NTNG1: variants seen among roughly 807,000 people sequenced by gnomAD.
NTNG1 encodes the protein netrin-G1.
NTNG1 carries 16 observed loss-of-function variants against 54.0 expected under a neutral mutation model. The ratio of observed to expected loss-of-function variants is 0.30; its 90% CI spans 0.20 to 0.45. NTNG1 has a LOEUF of 0.45. Ranked by LOEUF, NTNG1 falls within the 20% of genes least tolerant of loss-of-function variation. The pLI, the probability that NTNG1 is intolerant of heterozygous loss-of-function variation, is 1.00. For synonymous variants in NTNG1, 255 were observed against 263.1 expected (o/e 0.97, Z 0.30); for missense variants, 530 against 678.7 (o/e 0.78, Z 2.43).
At chr1:107,310,451 A>G (rs921090615) in intron 2 of NTNG1, among the ~76,000 whole-genome samples, 1 of 152,176 alleles carries the variant, frequency 6.6e-6, no homozygotes, top group South Asian at 2.1e-4. Flanking sequence ...TATATTATAT[A>G]ATTTAATTTA....
At chr1:107,480,028 T>C (rs1370897280) in intron 7 of NTNG1, among the ~76,000 whole-genome samples, 1 of 151,986 alleles carries the variant, frequency 6.6e-6, no homozygotes. Context: ...CTTTCTCTCT[T>C]CCCATCTGGC....
At chr1:107,385,614 A>G (rs534839735) in intron 3 of NTNG1, among the ~76,000 whole-genome samples, 22 of 152,012 alleles carry the variant, frequency 1.4e-4, no homozygotes, top group African/African-American at 5.3e-4. Flanking sequence ...AAAAGATTAT[A>G]TATCAGTTAC....
At chr1:107,169,812 T>TA (rs1182478408) in intron 2 of NTNG1, among the ~76,000 whole-genome samples, 5 of 152,176 alleles carry the variant, frequency 3.3e-5, no homozygotes, top group Non-Finnish European at 5.9e-5. Flanking sequence ...GTAGGAGATG[T>TA]ACATTAAGAG....
rs1654269353 is a variant in NTNG1 at position 107,148,127 on chromosome 1, C to A, written c.-467C>A. The A allele has an allele frequency of 1.9e-5, 3 of 156,936 alleles. No homozygotes were observed. The highest frequency in any genetic ancestry group is 4.2e-5 in the Non-Finnish European group (3 of 71,040). 9.7% of individuals were successfully genotyped at this position (156,936 alleles called of 1,614,324 possible). ...GGAAACAGACACCGGGCTATAGACA[C>A]TCATCCTTTTGCTTCAGATACTGAT... On this transcript the variant is annotated 5_prime_UTR_variant, in exon 2 of 8. Transcript: ENST00000370068.
At chr1:107,179,894 A>C (rs2101127200) in intron 2 of NTNG1, among the ~76,000 whole-genome samples, 1 of 152,246 alleles carries the variant, frequency 6.6e-6, no homozygotes, top group Non-Finnish European at 1.5e-5. Context: ...GTGAGGGAGT[A>C]AGTCCAGTTT....
chr1:107,402,723 T>C lies in NTNG1; in HGVS notation c.1061-4959T>C, dbSNP rs370321647. On this transcript the variant is annotated intron_variant, in intron 4 of 7. Coordinates refer to ENST00000370068, the MANE Select transcript of NTNG1 (RefSeq NM_001113226.3). ...GCCAGGACTGGAAGAACATTGGAAG[T>C]AATTCCTCTGCAATACAAATGAATC... 7.7e-4 allele frequency among the ~76,000 whole-genome samples: 117 copies of C among 152,286 alleles called. 3 individuals are homozygous for C. In the South Asian group the frequency reaches 0.024, roughly 31 times the overall value.
intron 2 of NTNG1, among the ~76,000 whole-genome samples, chr1:107,239,876 A>G (rs1000701216): frequency 6.6e-6 from 1 of 152,256 alleles, no homozygotes; most frequent in Non-Finnish European, 1.5e-5. Flanking sequence ...TAGGATCTCT[A>G]TAACTGTTCT....
At chr1:107,299,905 G>T (rs1356485832) in intron 2 of NTNG1, among the ~76,000 whole-genome samples, 1 of 152,138 alleles carries the variant, frequency 6.6e-6, no homozygotes, top group Non-Finnish European at 1.5e-5. Context: ...GCCACCATTG[G>T]AAGCAAAATT....
intron 2 of NTNG1, among the ~76,000 whole-genome samples, chr1:107,285,430 A>G (rs4639791): frequency 0.57 from 86,955 of 151,880 alleles, 25,524 homozygotes; most frequent in African/African-American, 0.71. Flanking sequence ...TTTTATTTAC[A>G]TTAACTTTTT....
At chr1:107,394,018 C>CACACACACACACATAA (rs1422752607) in intron 3 of NTNG1, among the ~76,000 whole-genome samples, 2 of 151,338 alleles carry the variant, frequency 1.3e-5, no homozygotes, top group Admixed American at 1.3e-4. Context: ...GTTTCTCTCT[C>CACACACACACACATAA]ACACACACAC....
At chr1:107,244,311 G>A (rs763743683) in intron 2 of NTNG1, among the ~76,000 whole-genome samples, 4 of 152,274 alleles carry the variant, frequency 2.6e-5, no homozygotes, top group South Asian at 2.1e-4. Flanking sequence ...TATGCTGCCT[G>A]TAACTTCTAA....
chr1:107,294,576 C>A (rs1291107906), intron 2 of NTNG1, among the ~76,000 whole-genome samples: 4 of 152,098 alleles, frequency 2.6e-5, no homozygotes, highest in Non-Finnish European at 5.9e-5. Flanking sequence ...GTAATAGCAC[C>A]TTCACTAGAC....
intron 3 of NTNG1, among the ~76,000 whole-genome samples, chr1:107,384,333 G>A (rs1175713961): frequency 6.6e-6 from 1 of 152,124 alleles, no homozygotes; most frequent in African/African-American, 2.4e-5. Flanking sequence ...TGGAATTTTA[G>A]ATAATTTTTT....
intron 2 of NTNG1, among the ~76,000 whole-genome samples, chr1:107,228,767 G>A (rs1233287445): frequency 6.6e-6 from 1 of 152,126 alleles, no homozygotes; most frequent in East Asian, 1.9e-4. Flanking sequence ...TGATGAGGCT[G>A]TAAGAAAGAC....
chr1:107,461,781 C>T (rs1231953120), intron 7 of NTNG1, among the ~76,000 whole-genome samples: 1 of 152,218 alleles, frequency 6.6e-6, no homozygotes, highest in East Asian at 1.9e-4. Flanking sequence ...AACTGCCCAC[C>T]TCAGCCTCCC....
chr1:107,445,285 T>C (rs928855074), intron 7 of NTNG1, among the ~76,000 whole-genome samples: 15 of 152,132 alleles, frequency 9.9e-5, no homozygotes, highest in African/African-American at 3.6e-4. Context: ...AGCCTTTGAA[T>C]TTCCTTCTGT....
intron 5 of NTNG1, chr1:107,408,428 C>G (rs896246624): frequency 5.2e-5 from 8 of 152,902 alleles, no homozygotes; most frequent in Admixed American, 1.3e-4. Context: ...TAGTATGAAT[C>G]CAAGCAATTG....
At chr1:107,144,423 T>G (rs1653959792) in intron 1 of NTNG1, among the ~76,000 whole-genome samples, 1 of 152,126 alleles carries the variant, frequency 6.6e-6, no homozygotes, top group South Asian at 2.1e-4. Flanking sequence ...TCCCACCTGC[T>G]AGTGAGATTA....
chr1:107,360,053 G>T (rs916400368), intron 3 of NTNG1, among the ~76,000 whole-genome samples: 4 of 152,120 alleles, frequency 2.6e-5, no homozygotes, highest in African/African-American at 9.6e-5. Flanking sequence ...TGCTGCTCCC[G>T]CCACACCCTG....
Sources: allele counts gnomAD v4.1 joint callset (sites outside exome capture counted in the v4.1 genomes callset), GRCh38; gene constraint gnomAD v4.1.1; transcripts MANE v1.5; gene names NCBI Gene and HGNC (gene_info 2026-07-23, HGNC 2026-07-21).